GRID2: variants seen among roughly 807,000 people sequenced by gnomAD.
GRID2 encodes glutamate receptor ionotropic, delta-2.
In GRID2, 33 loss-of-function variants were observed where a neutral mutation model predicts 114.8. That is an observed-to-expected ratio of 0.29 (90% CI 0.22 to 0.38). The LOEUF (loss-of-function observed/expected upper bound fraction) is 0.38. Ranked by LOEUF, GRID2 falls within the 10% of genes least tolerant of loss-of-function variation. The probability of loss-of-function intolerance (pLI) is 1.00; values close to 1 mark genes in which losing one functional copy is unlikely to be tolerated. For missense variants in GRID2, 1,184 were observed against 1,257.7 expected (o/e 0.94, Z 0.89); for synonymous variants, 505 against 449.9 (o/e 1.12, Z -1.55).
intron 1 of GRID2, among the ~76,000 whole-genome samples, chr4:92,542,803 A>G (rs1448160984): frequency 6.6e-6 from 1 of 152,144 alleles, no homozygotes; most frequent in Non-Finnish European, 1.5e-5. Flanking sequence ...GAAAATGCTA[A>G]GATGGCATAA....
At chr4:92,917,353 C>T (rs1006357427) in intron 2 of GRID2, among the ~76,000 whole-genome samples, 2 of 151,794 alleles carry the variant, frequency 1.3e-5, no homozygotes, top group Non-Finnish European at 2.9e-5. Flanking sequence ...GTGCAGAAGC[C>T]CTTTAGTTTA....
Position 93,750,190 on chromosome 4 carries a change from G to C in GRID2, c.2361-19020G>C, listed in dbSNP as rs79121410. On this transcript the variant is annotated intron_variant, in intron 14 of 15. Transcript: ENST00000282020. ...AAGGAGCTTGTAATCCTTTCAAAGA[G>C]ATAAAACACATTACTTTAGTGTTGG... 6.8e-3 allele frequency among the ~76,000 whole-genome samples: 1,039 copies of C among 152,278 alleles called. 13 individuals carry two copies. The highest frequency in any genetic ancestry group is 0.024 in the African/African-American group (993 of 41,554).
intron 8 of GRID2, among the ~76,000 whole-genome samples, chr4:93,390,425 T>C (rs1764739341): frequency 6.6e-6 from 1 of 152,210 alleles, no homozygotes; most frequent in Non-Finnish European, 1.5e-5. Context: ...CAGTGTGTCA[T>C]GAACACTTCT....
chr4:93,428,905 G>T (rs758605894), intron 10 of GRID2, among the ~76,000 whole-genome samples: 6 of 152,158 alleles, frequency 3.9e-5, no homozygotes, highest in African/African-American at 1.4e-4. Flanking sequence ...TCACAAAGGC[G>T]CTAGAAGGAA....
intron 2 of GRID2, among the ~76,000 whole-genome samples, chr4:92,982,033 AAAAAAAAAAAAAG>A (rs200891344): frequency 0.13 from 19,023 of 147,830 alleles, 1,470 homozygotes; most frequent in East Asian, 0.25. Context: ...AAAAAAAAAA[AAAAAAAAAAAAAG>A]AAAAAGAAAA....
rs577320039 is a variant in GRID2, at chr4:93,266,367, C to G, written c.1245+27877C>G. Among the ~76,000 whole-genome samples, 8 of 152,236 alleles carry G rather than the reference C, an allele frequency of 5.3e-5. No homozygotes were observed. The East Asian group carries it at 1.2e-3, about 22-fold the overall frequency. On this transcript the variant is annotated intron_variant, in intron 8 of 15. Coordinates refer to ENST00000282020, the MANE Select transcript of GRID2 (RefSeq NM_001510.4). Reference sequence around the variant, plus strand: ...AAGGAGAGAAAAACAGCACTATAATCCCTAGACCTACTCTATAAGCCACCT... The same window carrying G: ...AAGGAGAGAAAAACAGCACTATAATGCCTAGACCTACTCTATAAGCCACCT...
intron 1 of GRID2, among the ~76,000 whole-genome samples, chr4:92,553,138 C>A (rs142513123): frequency 6.6e-6 from 1 of 152,190 alleles, no homozygotes; most frequent in African/African-American, 2.4e-5. Flanking sequence ...AAATTCTTTC[C>A]CTTTATGGAA....
Position 93,469,890 on chromosome 4 carries a change from G to A in GRID2, c.1858+13916G>A, listed in dbSNP as rs1036290507. ...GCAAATAGTTGTATAGATTAGTGAC[G>A]TTTCTGAAAAACTAAATATTTTTAA... On this transcript the variant is annotated intron_variant, in intron 11 of 15. Coordinates refer to ENST00000282020, the MANE Select transcript of GRID2 (RefSeq NM_001510.4). 3.3e-5 allele frequency among the ~76,000 whole-genome samples: 5 copies of A among 152,198 alleles called. No homozygotes were observed. The East Asian group carries it at 5.8e-4, about 18-fold the overall frequency.
chr4:93,653,466 C>T (rs796928504), intron 14 of GRID2, among the ~76,000 whole-genome samples: 40 of 152,232 alleles, frequency 2.6e-4, no homozygotes, highest in African/African-American at 7.9e-4. Flanking sequence ...GATTGAGGCA[C>T]ATTCTATAAT....
At chr4:93,407,864 T>G (rs1260526072) in intron 9 of GRID2, among the ~76,000 whole-genome samples, 1 of 150,496 alleles carries the variant, frequency 6.6e-6, no homozygotes, top group East Asian at 2.0e-4. Context: ...TGCTTCTCCT[T>G]CTCCTCCTTC....
At chr4:93,695,817 T>A (rs1356301812) in intron 14 of GRID2, among the ~76,000 whole-genome samples, 1 of 152,248 alleles carries the variant, frequency 6.6e-6, no homozygotes, top group African/African-American at 2.4e-5. Flanking sequence ...GCCGCTCAAC[T>A]TCTTAAATGT....
chr4:93,296,415 A>G (rs929896078), intron 8 of GRID2, among the ~76,000 whole-genome samples: 5 of 151,380 alleles, frequency 3.3e-5, no homozygotes, highest in Non-Finnish European at 5.9e-5. Context: ...TGGTATCTCT[A>G]GGTGGCTATC....
intron 10 of GRID2, among the ~76,000 whole-genome samples, chr4:93,449,463 G>C (rs947871089): frequency 6.6e-6 from 1 of 152,070 alleles, no homozygotes; most frequent in African/African-American, 2.4e-5. Flanking sequence ...TTTATTCTCA[G>C]ATTAAATTAC....
At chr4:92,531,319 G>C (rs1725345360) in intron 1 of GRID2, among the ~76,000 whole-genome samples, 1 of 152,060 alleles carries the variant, frequency 6.6e-6, no homozygotes, top group African/African-American at 2.4e-5. Flanking sequence ...TTCAGGTATA[G>C]TTTTTCAGTA....
At chr4:92,920,608 G>T (rs1281348210) in intron 2 of GRID2, among the ~76,000 whole-genome samples, 1 of 152,102 alleles carries the variant, frequency 6.6e-6, no homozygotes, top group Non-Finnish European at 1.5e-5. Flanking sequence ...CACTTATGAG[G>T]CTTAGTTTGG....
At chr4:93,749,525 G>A (rs1291302823) in intron 14 of GRID2, among the ~76,000 whole-genome samples, 1 of 152,140 alleles carries the variant, frequency 6.6e-6, no homozygotes, top group Non-Finnish European at 1.5e-5. Context: ...GGAGAAAGTG[G>A]CATTGAGCCT....
At chr4:93,660,145 C>T (rs1723358299) in intron 14 of GRID2, among the ~76,000 whole-genome samples, 1 of 151,942 alleles carries the variant, frequency 6.6e-6, no homozygotes, top group Non-Finnish European at 1.5e-5. Context: ...AGAATATCCG[C>T]ATGTGAAAAG....
chr4:93,319,444 G>C (rs1473630332), intron 8 of GRID2, among the ~76,000 whole-genome samples: 1 of 151,938 alleles, frequency 6.6e-6, no homozygotes, highest in Non-Finnish European at 1.5e-5. Context: ...GTTTTGGTAG[G>C]GAGAATTCTA....
intron 2 of GRID2, among the ~76,000 whole-genome samples, chr4:92,814,492 C>T (rs1181209797): frequency 1.3e-5 from 2 of 152,062 alleles, no homozygotes; most frequent in African/African-American, 2.4e-5. Flanking sequence ...GGCTGGTGGA[C>T]AAATTGCTGA....
Sources: gnomAD v4.1 joint callset for allele counts (sites outside exome capture counted in the v4.1 genomes callset) on GRCh38, gnomAD v4.1.1 for gene constraint, MANE v1.5 for transcripts, NCBI Gene and HGNC (gene_info 2026-07-23, HGNC 2026-07-21) for gene names.